The following LHFPL3 variants were observed in gnomAD, a reference collection of about 807,000 sequenced individuals.
LHFPL3 encodes LHFPL tetraspan subfamily member 3, also known as LHFPL tetraspan subfamily member 3 protein.
LHFPL3 carries 5 observed loss-of-function variants against 19.3 expected under a neutral mutation model. The ratio of observed to expected loss-of-function variants is 0.26; its 90% confidence interval spans 0.14 to 0.54. The LOEUF is 0.54. Ranked by LOEUF, LHFPL3 falls within the 20% of genes least tolerant of loss-of-function variation. LHFPL3 has a pLI of 0.94. For missense variants in LHFPL3, 249 were observed against 307.4 expected (o/e 0.81, Z 1.42); for synonymous variants, 133 against 126.2 (o/e 1.05, Z -0.36).
At chr7:104,888,220 T>C (rs1227648195) in intron 2 of LHFPL3, among the ~76,000 whole-genome samples, 4 of 152,182 alleles carry the variant, frequency 2.6e-5, no homozygotes, top group Non-Finnish European at 4.4e-5. Context: ...ACAATAAACA[T>C]TCTAATTATG....
At chr7:104,590,900 T>C (rs1457530951) in intron 1 of LHFPL3, among the ~76,000 whole-genome samples, 2 of 152,190 alleles carry the variant, frequency 1.3e-5, no homozygotes, top group African/African-American at 4.8e-5. Flanking sequence ...TCTTTGTTGG[T>C]TTAAAGTCTG....
chr7:104,478,349 C>T (rs577534561), intron 1 of LHFPL3, among the ~76,000 whole-genome samples: 111 of 152,064 alleles, frequency 7.3e-4, no homozygotes, highest in African/African-American at 2.7e-3. Flanking sequence ...AGCCATAGCT[C>T]CTGAATGAGT....
chr7:104,565,820 A>G (rs1471033545), intron 1 of LHFPL3, among the ~76,000 whole-genome samples: 1 of 151,962 alleles, frequency 6.6e-6, no homozygotes, highest in Non-Finnish European at 1.5e-5. Context: ...CAATTTTGCC[A>G]TATGACCTAT....
intron 1 of LHFPL3, among the ~76,000 whole-genome samples, chr7:104,732,452 G>A (rs931560197): frequency 1.2e-4 from 18 of 152,114 alleles, no homozygotes; most frequent in Non-Finnish European, 2.1e-4. Context: ...TTTAGTCTTG[G>A]GAGGATGTAT....
At chr7:104,757,803 A>G (rs1321404214) in intron 2 of LHFPL3, 5 of 152,234 alleles carry the variant, frequency 3.3e-5, no homozygotes, top group Non-Finnish European at 5.9e-5. Context: ...GAGATTTCTC[A>G]AAGAACTAAA....
intron 1 of LHFPL3, among the ~76,000 whole-genome samples, chr7:104,469,852 C>A (rs1388127615): frequency 6.6e-6 from 1 of 152,074 alleles, no homozygotes; most frequent in Non-Finnish European, 1.5e-5. Flanking sequence ...TAATGATATA[C>A]AATTACCATC....
chr7:104,469,263 C>A (rs570438206), intron 1 of LHFPL3, among the ~76,000 whole-genome samples: 1 of 152,310 alleles, frequency 6.6e-6, no homozygotes, highest in South Asian at 2.1e-4. Flanking sequence ...ATCCCCAGCT[C>A]ATCAGCAGTG....
intron 2 of LHFPL3, among the ~76,000 whole-genome samples, chr7:104,900,719 C>T (rs1419327766): frequency 6.6e-6 from 1 of 152,146 alleles, no homozygotes; most frequent in East Asian, 1.9e-4. Context: ...AGCCAAGTAG[C>T]ATTTAGATAG....
intron 1 of LHFPL3, among the ~76,000 whole-genome samples, chr7:104,609,493 A>G (rs1235426691): frequency 6.6e-6 from 1 of 152,212 alleles, no homozygotes; most frequent in African/African-American, 2.4e-5. Flanking sequence ...TCTGTTTAAG[A>G]GATTGAGCAC....
chr7:104,901,818 C>T (rs961787227), intron 2 of LHFPL3, among the ~76,000 whole-genome samples: 1 of 152,108 alleles, frequency 6.6e-6, no homozygotes, highest in Non-Finnish European at 1.5e-5. Flanking sequence ...ATCCTGCCAC[C>T]TTAGCCTCCC....
At chr7:104,740,388 TGA>T (rs898389047) in intron 2 of LHFPL3, among the ~76,000 whole-genome samples, 16 of 152,252 alleles carry the variant, frequency 1.1e-4, no homozygotes, top group African/African-American at 3.9e-4. Context: ...AAGTTCTTCC[TGA>T]GTGTCACTTT....
chr7:104,721,100 G>A (rs147204941), intron 1 of LHFPL3, among the ~76,000 whole-genome samples: 174 of 152,282 alleles, frequency 1.1e-3, no homozygotes, highest in African/African-American at 3.9e-3. Flanking sequence ...TATATTTATT[G>A]TGGCACTATT....
intron 2 of LHFPL3, among the ~76,000 whole-genome samples, chr7:104,846,914 C>G (rs977193111): frequency 4.6e-5 from 7 of 152,302 alleles, no homozygotes; most frequent in African/African-American, 1.7e-4. Flanking sequence ...GTTTTTCATG[C>G]AGTTTCCTCT....
chr7:104,616,888 CAT>C (rs1791356371), intron 1 of LHFPL3, among the ~76,000 whole-genome samples: 1 of 151,898 alleles, frequency 6.6e-6, no homozygotes, highest in African/African-American at 2.4e-5. Context: ...GGCAAACAAA[CAT>C]ATGAAAAAAA....
chr7:104,893,585 T>C (rs888796372), intron 2 of LHFPL3, among the ~76,000 whole-genome samples: 1 of 152,230 alleles, frequency 6.6e-6, no homozygotes, highest in African/African-American at 2.4e-5. Flanking sequence ...CATTTTTTGC[T>C]ATGATAATCT....
intron 1 of LHFPL3, among the ~76,000 whole-genome samples, chr7:104,433,044 A>G (rs1792031632): frequency 2.6e-5 from 4 of 152,298 alleles, no homozygotes. Flanking sequence ...TGAGGATGCC[A>G]AAGAGCTTTG....
intron 2 of LHFPL3, among the ~76,000 whole-genome samples, chr7:104,815,664 C>A (rs879530245): frequency 2.0e-5 from 3 of 152,138 alleles, no homozygotes; most frequent in Non-Finnish European, 2.9e-5. Context: ...TAACTAAATG[C>A]CACTTCTCTC....
chr7:104,484,386 G>T (rs780111860), intron 1 of LHFPL3, among the ~76,000 whole-genome samples: 3 of 152,136 alleles, frequency 2.0e-5, no homozygotes, highest in Non-Finnish European at 4.4e-5. Flanking sequence ...TCACTTCTCA[G>T]CATGGCCATT....
chr7:104,655,297 T>A (rs1416073248), intron 1 of LHFPL3, among the ~76,000 whole-genome samples: 3 of 152,216 alleles, frequency 2.0e-5, no homozygotes, highest in African/African-American at 7.2e-5. Flanking sequence ...ATAGCTGGCA[T>A]CCTATTAATG....
Sources: gnomAD v4.1 joint callset for allele counts (sites outside exome capture counted in the v4.1 genomes callset) on GRCh38, gnomAD v4.1.1 for gene constraint, MANE v1.5 for transcripts, NCBI Gene and HGNC (gene_info 2026-07-23, HGNC 2026-07-21) for gene names.